The following ROBO2 variants were observed in gnomAD, a reference collection of about 807,000 sequenced individuals.
ROBO2 encodes the protein roundabout guidance receptor 2.
In ROBO2, 53 loss-of-function variants were observed where a neutral mutation model predicts 160.8. That is an observed-to-expected ratio of 0.33 (90% CI 0.26 to 0.41). The LOEUF is 0.41. ROBO2 is among the 10% of genes least tolerant of loss of function. The probability of loss-of-function intolerance (pLI) is 1.00; values close to 1 mark genes in which losing one functional copy is unlikely to be tolerated. For missense variants in ROBO2, 1,577 were observed against 1,722.4 expected (o/e 0.92, Z 1.49); for synonymous variants, 664 against 611.7 (o/e 1.09, Z -1.26).
At chr3:77,594,917 T>A (rs1050667468) in intron 17 of ROBO2, among the ~76,000 whole-genome samples, 3 of 152,192 alleles carry the variant, frequency 2.0e-5, no homozygotes, top group Admixed American at 1.3e-4. Flanking sequence ...ACCATGGATT[T>A]GGCTTAAAGA....
intron 6 of ROBO2, among the ~76,000 whole-genome samples, chr3:77,525,803 G>A (rs1264402194): frequency 7.7e-6 from 1 of 130,354 alleles, no homozygotes. Flanking sequence ...TTTTTCTTTT[G>A]TCAATATCCT....
At chr3:77,336,035 A>C (rs1403198527) in intron 2 of ROBO2, among the ~76,000 whole-genome samples, 1 of 152,234 alleles carries the variant, frequency 6.6e-6, no homozygotes, top group Non-Finnish European at 1.5e-5. Flanking sequence ...AGAATGGACT[A>C]TAAAGTTCCA....
chr3:76,152,188 C>T (rs2072236963), intron 2 of ROBO2, among the ~76,000 whole-genome samples: 1 of 152,142 alleles, frequency 6.6e-6, no homozygotes, highest in African/African-American at 2.4e-5. Flanking sequence ...GGAGCTAAGC[C>T]ATCAGGCTAT....
chr3:77,473,976 AGTT>A (rs1383736181), intron 2 of ROBO2, among the ~76,000 whole-genome samples: 1 of 152,064 alleles, frequency 6.6e-6, no homozygotes, highest in Non-Finnish European at 1.5e-5. Flanking sequence ...CACAGGATGA[AGTT>A]GTTCTCCAAA....
chr3:77,586,870 A>C (rs1295525179), intron 16 of ROBO2, among the ~76,000 whole-genome samples: 1 of 148,948 alleles, frequency 6.7e-6, no homozygotes, highest in African/African-American at 2.4e-5. Flanking sequence ...CATATAATAA[A>C]TATATGTATA....
chr3:75,971,891 C>A (rs1286840899), intron 2 of ROBO2, among the ~76,000 whole-genome samples: 1 of 151,434 alleles, frequency 6.6e-6, no homozygotes, highest in Admixed American at 6.6e-5. Context: ...ATCAGAGTTC[C>A]ACCTATCCAA....
At chr3:76,873,200 C>T (rs1437756584) in intron 2 of ROBO2, among the ~76,000 whole-genome samples, 1 of 151,988 alleles carries the variant, frequency 6.6e-6, no homozygotes, top group East Asian at 1.9e-4. Context: ...ATATTTAAGC[C>T]TCTTCTAAGG....
chr3:77,469,918 G>T (rs932162585), intron 2 of ROBO2, among the ~76,000 whole-genome samples: 1 of 152,132 alleles, frequency 6.6e-6, no homozygotes, highest in African/African-American at 2.4e-5. Context: ...GCTCTTTGGA[G>T]GGTTACCCAG....
At chr3:76,507,321 G>T (rs2080849069) in intron 2 of ROBO2, among the ~76,000 whole-genome samples, 1 of 151,870 alleles carries the variant, frequency 6.6e-6, no homozygotes, top group African/African-American at 2.4e-5. Context: ...AATTTGATTA[G>T]GTTTTATAAT....
chr3:76,223,339 C>G (rs149660137), intron 2 of ROBO2, among the ~76,000 whole-genome samples: 4,323 of 151,738 alleles, frequency 0.028, 165 homozygotes, highest in African/African-American at 0.084. Flanking sequence ...GGTTAACCCC[C>G]TCAGATAGAG....
chr3:76,679,917 T>G (rs1210465895), intron 2 of ROBO2, among the ~76,000 whole-genome samples: 1 of 152,170 alleles, frequency 6.6e-6, no homozygotes, highest in Non-Finnish European at 1.5e-5. Context: ...CTGAGATTTC[T>G]TTAGTGTTAT....
intron 2 of ROBO2, among the ~76,000 whole-genome samples, chr3:76,732,401 A>G (rs116595784): frequency 0.011 from 1,677 of 152,274 alleles, 30 homozygotes; most frequent in African/African-American, 0.038. Flanking sequence ...TTGGAGGCTT[A>G]ACTAGGGAAG....
chr3:77,024,887 G>A (rs531631120), intron 2 of ROBO2, among the ~76,000 whole-genome samples: 13 of 152,052 alleles, frequency 8.5e-5, no homozygotes, highest in African/African-American at 2.6e-4. Flanking sequence ...TACAAATATC[G>A]TAAAGTGAAG....
intron 2 of ROBO2, among the ~76,000 whole-genome samples, chr3:76,202,218 G>T (rs893448417): frequency 6.6e-6 from 1 of 152,208 alleles, no homozygotes; most frequent in African/African-American, 2.4e-5. Context: ...GAAGCCCTTC[G>T]ACTGTTTCAT....
chr3:76,356,162 C>T (rs1288593768), intron 2 of ROBO2, among the ~76,000 whole-genome samples: 1 of 151,058 alleles, frequency 6.6e-6, no homozygotes, highest in Admixed American at 6.6e-5. Flanking sequence ...CTTTTGAGAA[C>T]AATACATAAA....
intron 1 of ROBO2, among the ~76,000 whole-genome samples, chr3:77,054,125 T>C (rs926664071): frequency 2.6e-5 from 4 of 152,204 alleles, no homozygotes; most frequent in African/African-American, 9.6e-5. Context: ...GCTTGTCTAC[T>C]TAACACTAGA....
At chr3:76,478,090 A>G (rs991714765) in intron 2 of ROBO2, among the ~76,000 whole-genome samples, 7 of 150,742 alleles carry the variant, frequency 4.6e-5, no homozygotes, top group African/African-American at 1.7e-4. Context: ...GGTTAGTTAC[A>G]TATGTATACA....
chr3:75,907,834 AT>A (rs911973765), intron 1 of ROBO2, among the ~76,000 whole-genome samples: 3 of 140,860 alleles, frequency 2.1e-5, no homozygotes, highest in African/African-American at 8.2e-5. Context: ...CATTTGCTTC[AT>A]TTTTTTTAAT....
intron 2 of ROBO2, among the ~76,000 whole-genome samples, chr3:76,672,598 T>G (rs943507329): frequency 2.0e-5 from 3 of 152,180 alleles, no homozygotes; most frequent in African/African-American, 7.2e-5. Flanking sequence ...GAAGACAGCA[T>G]TCAATATCAA....
Sources: gnomAD v4.1 joint callset for allele counts (sites outside exome capture counted in the v4.1 genomes callset) on GRCh38, gnomAD v4.1.1 for gene constraint, MANE v1.5 for transcripts, NCBI Gene and HGNC (gene_info 2026-07-23, HGNC 2026-07-21) for gene names.